The following MCHR2 variants were observed in gnomAD, a reference collection of about 807,000 sequenced individuals.
The protein encoded by MCHR2 is melanin concentrating hormone receptor 2.
MCHR2 carries 15 observed loss-of-function variants against 24.8 expected under a neutral mutation model. The ratio of observed to expected loss-of-function variants is 0.60; its 90% CI spans 0.40 to 0.93. The LOEUF (loss-of-function observed/expected upper bound fraction) is 0.93, where lower values mean the gene tolerates loss of function less well. Among genes scored for constraint, MCHR2 ranks in the 40% least tolerant of loss-of-function variants. The pLI is 0.00. For synonymous variants in MCHR2, 151 were observed against 147.6 expected, an observed-to-expected ratio of 1.02 and a Z score of -0.17; for missense variants, 386 against 408.7, an observed-to-expected ratio of 0.94 and a Z score of 0.48.
chr6:99,972,661 C>G (rs1000165779), intron 1 of MCHR2, among the ~76,000 whole-genome samples: 4 of 152,022 alleles, frequency 2.6e-5, no homozygotes, highest in African/African-American at 9.7e-5. Context: ...GTTAGGGTGT[C>G]AATTTTGGAT....
chr6:99,973,208 G>T (rs924987124), intron 1 of MCHR2, among the ~76,000 whole-genome samples: 1 of 151,738 alleles, frequency 6.6e-6, no homozygotes, highest in Non-Finnish European at 1.5e-5. Context: ...AAGTCTCTTT[G>T]TAGGTCACTC....
chr6:99,948,797 T>G (rs565850255), intron 2 of MCHR2, among the ~76,000 whole-genome samples: 37 of 152,320 alleles, frequency 2.4e-4, no homozygotes, highest in African/African-American at 8.7e-4. Flanking sequence ...ATGCATTTTT[T>G]TTCTTATTGC....
chr6:99,958,189 A>G (rs1267723405), intron 1 of MCHR2, among the ~76,000 whole-genome samples: 2 of 152,116 alleles, frequency 1.3e-5, no homozygotes, highest in Non-Finnish European at 2.9e-5. Context: ...CCATACATAT[A>G]TATTACACTT....
intron 5 of MCHR2, among the ~76,000 whole-genome samples, chr6:99,921,952 T>C (rs369685609): frequency 3.3e-5 from 5 of 152,340 alleles, no homozygotes; most frequent in South Asian, 2.1e-4. Context: ...CAATTGACAG[T>C]ATCTCATTCT....
chr6:99,985,309 C>T (rs1346227067), intron 1 of MCHR2, among the ~76,000 whole-genome samples: 1 of 152,070 alleles, frequency 6.6e-6, no homozygotes, highest in Non-Finnish European at 1.5e-5. Context: ...TAATTCTTCA[C>T]AGAATTAGAA....
At chr6:99,963,541 G>A (rs7758072) in intron 1 of MCHR2, among the ~76,000 whole-genome samples, 1,771 of 152,200 alleles carry the variant, frequency 0.012, 32 homozygotes, top group African/African-American at 0.041. Context: ...TGAATATAAA[G>A]TTTCAGTCAT....
intron 4 of MCHR2, among the ~76,000 whole-genome samples, chr6:99,935,096 T>A (rs1433623228): frequency 6.6e-6 from 1 of 152,110 alleles, no homozygotes; most frequent in African/African-American, 2.4e-5. Context: ...GCATAATAGA[T>A]GTATATCATT....
intron 4 of MCHR2, among the ~76,000 whole-genome samples, chr6:99,934,727 TTTCTC>T (rs1488852353): frequency 6.6e-6 from 1 of 152,080 alleles, no homozygotes; most frequent in Non-Finnish European, 1.5e-5. Context: ...ATGCTTGTCT[TTTCTC>T]TAGCCACACC....
At position 99,988,686 on chromosome 6, in the gene MCHR2, T is replaced by C. The variant is rs546706166; in HGVS notation, c.-28+5250A>G. On this transcript the variant is annotated intron_variant, in intron 1 of 5. Coordinates refer to ENST00000281806, the MANE Select transcript of MCHR2 (RefSeq NM_001040179.2). ...GATAATCAATCAACAACATTTCTCATAGGTAGAAATAGAACAGAAAGACCT... is the reference window on the plus strand; with the variant it reads ...GATAATCAATCAACAACATTTCTCACAGGTAGAAATAGAACAGAAAGACCT... 3.3e-5 allele frequency among the ~76,000 whole-genome samples: 5 copies of C among 152,308 alleles called. No individual in the cohort carries two copies. In the East Asian group the frequency reaches 7.7e-4, roughly 23 times the overall value.
chr6:99,931,261 C>T (rs111834436), intron 5 of MCHR2, among the ~76,000 whole-genome samples: 15 of 152,260 alleles, frequency 9.9e-5, no homozygotes, highest in African/African-American at 3.6e-4. Context: ...GGGGTGCCTC[C>T]CAGTTAGGCT....
chr6:99,971,037 T>C (rs553193057), intron 1 of MCHR2, among the ~76,000 whole-genome samples: 1 of 152,226 alleles, frequency 6.6e-6, no homozygotes, highest in East Asian at 1.9e-4. Flanking sequence ...ATTGACTTGG[T>C]GATGCAGGCT....
chr6:99,973,950 C>T (rs1775493419), intron 1 of MCHR2, among the ~76,000 whole-genome samples: 1 of 152,158 alleles, frequency 6.6e-6, no homozygotes, highest in Non-Finnish European at 1.5e-5. Flanking sequence ...GATGGGCTTC[C>T]CTTTGTGGGT....
chr6:99,926,177 T>C (rs1254559262), intron 5 of MCHR2, among the ~76,000 whole-genome samples: 1 of 152,208 alleles, frequency 6.6e-6, no homozygotes, highest in Non-Finnish European at 1.5e-5. Context: ...TCATTTTTTA[T>C]GGCTGCATAG....
At chr6:99,968,964 C>A (rs999693304) in intron 1 of MCHR2, among the ~76,000 whole-genome samples, 1 of 151,968 alleles carries the variant, frequency 6.6e-6, no homozygotes, top group East Asian at 1.9e-4. Context: ...TATGACACAG[C>A]TAAAGCAGGG....
chr6:99,953,474 T>A (rs146865047), intron 2 of MCHR2, among the ~76,000 whole-genome samples: 2 of 152,252 alleles, frequency 1.3e-5, no homozygotes, highest in East Asian at 3.9e-4. Context: ...TTCTCAAGTC[T>A]GTGGCTATTA....
intron 1 of MCHR2, among the ~76,000 whole-genome samples, chr6:99,981,354 A>C (rs1228166546): frequency 6.6e-6 from 1 of 152,204 alleles, no homozygotes; most frequent in Non-Finnish European, 1.5e-5. Flanking sequence ...AAGCACAAAG[A>C]AGAGGGTGGC....
At chr6:99,974,683 TTG>T (rs1315562424) in intron 1 of MCHR2, among the ~76,000 whole-genome samples, 2 of 152,266 alleles carry the variant, frequency 1.3e-5, no homozygotes, top group African/African-American at 4.8e-5. Flanking sequence ...TTCCCCATCT[TTG>T]TGGTTTTATC....
At chr6:99,958,697 A>G (rs72938072) in intron 1 of MCHR2, among the ~76,000 whole-genome samples, 4,055 of 152,250 alleles carry the variant, frequency 0.027, 164 homozygotes, top group East Asian at 0.12. Context: ...ATCCAAGGCA[A>G]ATGGGAAGCC....
rs1218734150 is a variant in MCHR2, at chr6:99,928,554, G to C, written c.707+5844C>G. Among the ~76,000 whole-genome samples the C allele has an allele frequency of 2.0e-5, 3 of 152,206 alleles. No individual in the cohort carries two copies. The South Asian group carries it at 6.2e-4, about 32-fold the overall frequency. On this transcript the variant is annotated intron_variant, in intron 5 of 5. Transcript: ENST00000281806. ...TATTCAGAGATTCAACTTCTTCCTG[G>C]TTTAGTCTTGGGAGGGTGTATGTGT...
Sources: allele counts gnomAD v4.1 joint callset (sites outside exome capture counted in the v4.1 genomes callset), GRCh38; gene constraint gnomAD v4.1.1; transcripts MANE v1.5; gene names NCBI Gene and HGNC (gene_info 2026-07-23, HGNC 2026-07-21).